SAMD3: variants seen among roughly 807,000 people sequenced by gnomAD.
SAMD3 encodes sterile alpha motif domain-containing protein 3.
SAMD3 carries 63 observed loss-of-function variants against 58.5 expected under a neutral mutation model. The ratio of observed to expected loss-of-function variants is 1.08; its 90% CI spans 0.88 to 1.33. The LOEUF (loss-of-function observed/expected upper bound fraction) is 1.33, where lower values mean the gene tolerates loss of function less well. Among genes scored for constraint, SAMD3 ranks in the 40% most tolerant of loss-of-function variants. The pLI is 0.00. For synonymous variants in SAMD3, 220 were observed against 210.3 expected (o/e 1.05, Z -0.40); for missense variants, 604 against 608.4 (o/e 0.99, Z 0.08).
At chr6:130,295,626 C>T (rs1775544145) in intron 2 of SAMD3, among the ~76,000 whole-genome samples, 2 of 152,192 alleles carry the variant, frequency 1.3e-5, no homozygotes, top group Admixed American at 1.3e-4. Flanking sequence ...GGCCTTTCCA[C>T]TGACAACTTC....
At chr6:130,268,186 A>G (rs1774430662) in intron 2 of SAMD3, among the ~76,000 whole-genome samples, 1 of 152,198 alleles carries the variant, frequency 6.6e-6, no homozygotes, top group African/African-American at 2.4e-5. Context: ...CTTAGTTTTT[A>G]ACAAAAAGTA....
At chr6:130,247,857 T>A (rs534277021) in intron 2 of SAMD3, among the ~76,000 whole-genome samples, 81 of 152,370 alleles carry the variant, frequency 5.3e-4, no homozygotes, top group African/African-American at 1.9e-3. Flanking sequence ...AAGTTTTAAC[T>A]GTTGCATCCA....
At chr6:130,342,401 A>C (rs1969107) in intron 1 of SAMD3, among the ~76,000 whole-genome samples, 74,026 of 152,000 alleles carry the variant, frequency 0.49, 22,143 homozygotes, top group African/African-American at 0.85. Context: ...TGCTAAGCAA[A>C]CTGTGCATTA....
chr6:130,282,124 C>CCA (rs3029993), intron 2 of SAMD3, among the ~76,000 whole-genome samples: 29,876 of 151,506 alleles, frequency 0.2, 3,158 homozygotes, highest in African/African-American at 0.27. Flanking sequence ...TTCACACAAG[C>CCA]CACACACACA....
At chr6:130,256,486 T>C (rs1773931449) in intron 2 of SAMD3, among the ~76,000 whole-genome samples, 1 of 152,244 alleles carries the variant, frequency 6.6e-6, no homozygotes, top group Admixed American at 6.5e-5. Context: ...TATCATTCTT[T>C]GTAGAATATT....
chr6:130,342,230 T>C (rs1777296623), intron 1 of SAMD3, among the ~76,000 whole-genome samples: 1 of 152,204 alleles, frequency 6.6e-6, no homozygotes, highest in African/African-American at 2.4e-5. Context: ...ATAGAATGGT[T>C]AAGAACTAGA....
At chr6:130,234,543 T>C (rs1796630736) in intron 2 of SAMD3, among the ~76,000 whole-genome samples, 1 of 152,170 alleles carries the variant, frequency 6.6e-6, no homozygotes, top group African/African-American at 2.4e-5. Flanking sequence ...ACAATTATCA[T>C]AATCAATATA....
Position 130,175,905 on chromosome 6 carries a change from C to A in SAMD3, c.758G>T (p.Arg253Ile), listed in dbSNP as rs1436255165. ...IRNKCKFGHR[R>I]GQTRKSLADI... The stretch of plus-strand genomic sequence containing the variant: ...AGCAAGAGATTTCCTTGTCTGGCCT[C>A]TTCGGTGTCCAAATTTACACTTATT... The change falls in exon 8 of 12, where the codon AGA (arginine) becomes ATA (isoleucine). Residue 253 changes from arginine (R) to isoleucine (I), a missense_variant. Coordinates refer to ENST00000439090, the MANE Select transcript of SAMD3 (RefSeq NM_001017373.4). The A allele has an allele frequency of 1.9e-6, 3 of 1,613,268 alleles. No individual in the cohort carries two copies. In the Admixed American group the frequency reaches 5.0e-5, roughly 27 times the overall value.
At chr6:130,176,938 A>G (rs959169235) in intron 7 of SAMD3, among the ~76,000 whole-genome samples, 2 of 152,156 alleles carry the variant, frequency 1.3e-5, no homozygotes, top group African/African-American at 4.8e-5. Context: ...AGCCAGCCCA[A>G]TCATCAACGG....
intron 7 of SAMD3, chr6:130,183,147 G>T: frequency 3.0e-6 from 1 of 331,616 alleles, no homozygotes; most frequent in Non-Finnish European, 5.9e-6. Context: ...GTGGTTCTCA[G>T]CCGTGGTTGT....
At chr6:130,166,537 T>C (rs780345082) in intron 8 of SAMD3, among the ~76,000 whole-genome samples, 8 of 152,200 alleles carry the variant, frequency 5.3e-5, no homozygotes, top group Non-Finnish European at 7.4e-5. Flanking sequence ...CATTCTCTCT[T>C]ATTCCACTGG....
chr6:130,355,214 G>A (rs1027882954), intron 1 of SAMD3, among the ~76,000 whole-genome samples: 7 of 152,084 alleles, frequency 4.6e-5, no homozygotes, highest in African/African-American at 7.2e-5. Context: ...ACCTGAGGCC[G>A]GGAGCTCGAG....
intron 2 of SAMD3, among the ~76,000 whole-genome samples, chr6:130,238,949 G>A (rs1225316586): frequency 1.3e-5 from 2 of 152,110 alleles, no homozygotes; most frequent in African/African-American, 4.8e-5. Context: ...AGTAGAGACG[G>A]GGTTTCACTA....
At chr6:130,152,096 C>G (rs1409771065) in intron 9 of SAMD3, among the ~76,000 whole-genome samples, 2 of 152,028 alleles carry the variant, frequency 1.3e-5, no homozygotes, top group Non-Finnish European at 2.9e-5. Flanking sequence ...GTGTTAACAG[C>G]CAGGACCACC....
intron 1 of SAMD3, among the ~76,000 whole-genome samples, chr6:130,334,145 T>C (rs1777031082): frequency 1.3e-5 from 2 of 152,190 alleles, no homozygotes; most frequent in African/African-American, 4.8e-5. Context: ...TATTCTCTGA[T>C]TTCAAGTGGC....
upstream of SAMD3, among the ~76,000 whole-genome samples, chr6:130,227,639 T>C (rs749087881): frequency 1.6e-4 from 25 of 152,146 alleles, no homozygotes; most frequent in Non-Finnish European, 2.8e-4. Context: ...AATACAAACA[T>C]TAGCCGGGCA....
intron 1 of SAMD3, among the ~76,000 whole-genome samples, chr6:130,332,452 T>C (rs1341134527): frequency 6.6e-6 from 1 of 152,118 alleles, no homozygotes; most frequent in Non-Finnish European, 1.5e-5. Context: ...ATAGTTAGAA[T>C]TTGACAGAGA....
chr6:130,185,633 T>A (rs1792887568), intron 5 of SAMD3, among the ~76,000 whole-genome samples: 1 of 150,856 alleles, frequency 6.6e-6, no homozygotes, highest in Admixed American at 6.6e-5. Flanking sequence ...GCCCAATTTT[T>A]TTTTTTTTTT....
At chr6:130,164,490 C>G (rs1041948789) in intron 8 of SAMD3, among the ~76,000 whole-genome samples, 8 of 152,252 alleles carry the variant, frequency 5.3e-5, no homozygotes, top group Admixed American at 4.6e-4. Flanking sequence ...TCAAAAAATG[C>G]CTTCATTGCT....
Sources: gnomAD v4.1 joint callset for allele counts (sites outside exome capture counted in the v4.1 genomes callset) on GRCh38, gnomAD v4.1.1 for gene constraint, MANE v1.5 for transcripts, NCBI Gene and HGNC (gene_info 2026-07-23, HGNC 2026-07-21) for gene names.